Variants in FBXW8 observed in about 807,000 individuals in gnomAD.
FBXW8 encodes F-box/WD repeat-containing protein 8.
FBXW8 carries 57 observed loss-of-function variants against 65.3 expected under a neutral mutation model. That is an observed-to-expected ratio of 0.87 (90% CI 0.71 to 1.09). The LOEUF (loss-of-function observed/expected upper bound fraction) is 1.09, where lower values mean the gene tolerates loss of function less well. Among genes scored for constraint, FBXW8 ranks in the 50% least tolerant of loss-of-function variants. The probability of loss-of-function intolerance (pLI) is 0.00; values close to 1 mark genes in which losing one functional copy is unlikely to be tolerated. For synonymous variants in FBXW8, 308 were observed against 330.2 expected (o/e 0.93, Z 0.73); for missense variants, 777 against 814.8 (o/e 0.95, Z 0.57).
At chr12:117,017,682 A>G (rs1014655679) in intron 8 of FBXW8, among the ~76,000 whole-genome samples, 1 of 152,192 alleles carries the variant, frequency 6.6e-6, no homozygotes, top group Non-Finnish European at 1.5e-5. Flanking sequence ...GGTCATAAAA[A>G]AAGCCTACAT....
intron 2 of FBXW8, among the ~76,000 whole-genome samples, chr12:116,931,027 C>T (rs1433308068): frequency 2.0e-5 from 3 of 152,176 alleles, no homozygotes; most frequent in East Asian, 1.9e-4. Context: ...AGGCTAGTCT[C>T]GAACTCCTGG....
rs768765571 is a variant in FBXW8, at chr12:116,985,401, TG to T, written c.1032+1del. The T allele has an allele frequency of 2.5e-6, 4 of 1,612,062 alleles. No homozygotes were observed. Among genetic ancestry groups the T allele is most frequent in the East Asian group, 4.5e-5 (2 of 44,896 alleles). ...QIAAEFEVPK[L>X]VQYLEIVPET... ...GCTGCGGAATTTGAAGTTCCGAAAC[TG>T]GTGAGCTTTTTAGTCTGGTCATCTT... On this transcript the variant is annotated frameshift_variant and splice_region_variant, in exon 6 of 11. Coordinates refer to ENST00000652555, the MANE Select transcript of FBXW8 (RefSeq NM_153348.3). LOFTEE classifies it high-confidence loss of function.
At chr12:116,993,302 C>T (rs1392321888) in intron 7 of FBXW8, among the ~76,000 whole-genome samples, 1 of 151,802 alleles carries the variant, frequency 6.6e-6, no homozygotes, top group Admixed American at 6.6e-5. Flanking sequence ...CGAAGTTTCA[C>T]CATGTTGGCC....
intron 8 of FBXW8, among the ~76,000 whole-genome samples, chr12:117,012,536 T>C (rs562646884): frequency 6.6e-6 from 1 of 152,250 alleles, no homozygotes; most frequent in East Asian, 1.9e-4. Flanking sequence ...ATTGCACATC[T>C]AGAAAAAAGG....
intron 5 of FBXW8, among the ~76,000 whole-genome samples, chr12:116,967,803 G>C (rs1011278966): frequency 2.0e-5 from 3 of 152,126 alleles, no homozygotes; most frequent in African/African-American, 7.2e-5. Context: ...GTCTGGCTTT[G>C]TCATCCAGAC....
chr12:116,961,894 A>T lies in FBXW8; in HGVS notation c.678-2803A>T, dbSNP rs1241269350. Among the ~76,000 whole-genome samples, 1 of 152,172 alleles carries T rather than the reference A, an allele frequency of 6.6e-6. No individual in the cohort carries two copies. Among genetic ancestry groups the T allele is most frequent in the East Asian group, 1.9e-4 (1 of 5,190 alleles). On this transcript the variant is annotated intron_variant, in intron 4 of 10. Transcript: ENST00000652555. The surrounding 1 kb of genome is among the most constrained non-coding windows in gnomAD (Gnocchi z 4.4). Reference sequence around the variant, plus strand: ...TGTGGGGGGAGGATTGAATGGAAGAAGCTCCGAATCAGGGAGCCTGTAGTA... The same window carrying T: ...TGTGGGGGGAGGATTGAATGGAAGATGCTCCGAATCAGGGAGCCTGTAGTA...
At chr12:117,027,152 C>A (rs1184065814) in intron 9 of FBXW8, among the ~76,000 whole-genome samples, 3 of 152,200 alleles carry the variant, frequency 2.0e-5, no homozygotes, top group African/African-American at 7.2e-5. Context: ...GGGGCAGATG[C>A]CAGCATGCGT....
chr12:116,982,483 A>T (rs1885374547), intron 5 of FBXW8, among the ~76,000 whole-genome samples: 1 of 152,182 alleles, frequency 6.6e-6, no homozygotes, highest in South Asian at 2.1e-4. Flanking sequence ...AGAACTGTGC[A>T]CGTGATATCA....
chr12:116,994,284 C>G (rs998450635), intron 7 of FBXW8, among the ~76,000 whole-genome samples: 1 of 152,094 alleles, frequency 6.6e-6, no homozygotes, highest in East Asian at 1.9e-4. Context: ...AAAGTAGATA[C>G]GCAGACCAAT....
At chr12:116,919,315 T>G (rs747031925) in intron 1 of FBXW8, among the ~76,000 whole-genome samples, 2 of 152,206 alleles carry the variant, frequency 1.3e-5, no homozygotes, top group African/African-American at 2.4e-5. Context: ...GCTATGGGGC[T>G]GGGCTCTGCA....
At chr12:117,024,400 G>GT in intron 9 of FBXW8, 80 bp downstream of exon 9, 1 of 1,530,272 alleles carries the variant, frequency 6.5e-7, no homozygotes, top group Non-Finnish European at 9.0e-7. Context: ...ACCAGGCACG[G>GT]TGCTAAATGC....
At position 116,914,700 on chromosome 12, in the gene FBXW8, ACT is replaced by A. The variant is rs1236508498; in HGVS notation, c.318+3348_318+3349del. 8.5e-5 allele frequency among the ~76,000 whole-genome samples: 13 copies of A among 152,098 alleles called. No individual in the cohort carries two copies. The East Asian group carries it at 2.3e-3, about 27-fold the overall frequency. Reference sequence around the variant, plus strand: ...AGACCAGCCTAACCAACAAGGAGAAACTCTGTCTCTACTAAAAATACAAAATT... The same window carrying A: ...AGACCAGCCTAACCAACAAGGAGAAACTGTCTCTACTAAAAATACAAAATT... On this transcript the variant is annotated intron_variant, in intron 1 of 10. Coordinates refer to ENST00000652555, the MANE Select transcript of FBXW8 (RefSeq NM_153348.3).
intron 4 of FBXW8, among the ~76,000 whole-genome samples, chr12:116,954,846 C>T (rs551184923): frequency 2.0e-5 from 3 of 152,146 alleles, no homozygotes; most frequent in Admixed American, 2.0e-4. Flanking sequence ...ATAGTGAGAG[C>T]CCGTGCCTCC....
intron 5 of FBXW8, chr12:116,980,529 A>G (rs1885234880): frequency 6.6e-6 from 1 of 152,218 alleles, no homozygotes; most frequent in Admixed American, 6.5e-5. Context: ...CAGTCTTGCC[A>G]TTTCACAAGT....
intron 4 of FBXW8, among the ~76,000 whole-genome samples, chr12:116,963,811 T>C (rs926893960): frequency 2.0e-5 from 3 of 152,194 alleles, no homozygotes; most frequent in African/African-American, 7.2e-5. Flanking sequence ...TCTTTGTGAT[T>C]GTGTGGTTCT....
chr12:116,930,110 T>G (rs990608875), intron 2 of FBXW8, among the ~76,000 whole-genome samples: 2 of 152,238 alleles, frequency 1.3e-5, no homozygotes, highest in Admixed American at 6.5e-5. Flanking sequence ...TCTTGGCTGT[T>G]GTGAATAATG....
rs1884213255 is a variant in FBXW8 at position 116,964,816 on chromosome 12, G to A, written c.797G>A (p.Arg266Lys). 6.2e-7 allele frequency: 1 copy of A among 1,612,418 alleles called. No individual in the cohort carries two copies. The highest frequency in any genetic ancestry group is 1.3e-5 in the African/African-American group (1 of 74,868). The change falls in exon 5 of 11, where the codon AGG becomes AAG. Residue 266 changes from arginine (R) to lysine (K), a missense_variant. Coordinates refer to ENST00000652555, the MANE Select transcript of FBXW8 (RefSeq NM_153348.3). ...PGMQPNVSFVRINSSLAVAAY... is the reference protein window; with the variant it reads ...PGMQPNVSFVKINSSLAVAAY... ...ATGCAGCCAAATGTCTCCTTTGTGA[G>A]GATAAACAGCTCGTTGGCAGTAGCA...
chr12:117,011,991 G>A (rs1167613868), intron 8 of FBXW8, among the ~76,000 whole-genome samples: 1 of 152,168 alleles, frequency 6.6e-6, no homozygotes, highest in Non-Finnish European at 1.5e-5. Context: ...TCTAGAGATG[G>A]TTTTTAATGG....
intron 4 of FBXW8, among the ~76,000 whole-genome samples, chr12:116,960,335 G>C (rs114135955): frequency 2.0e-5 from 3 of 152,138 alleles, no homozygotes; most frequent in Non-Finnish European, 4.4e-5. Flanking sequence ...TTGAGAGCCC[G>C]CTGCTGAGTC....
Sources: gnomAD v4.1 joint callset for allele counts (sites outside exome capture counted in the v4.1 genomes callset) on GRCh38, gnomAD v4.1.1 for gene constraint, Gnocchi (gnomAD v3.1) non-coding constraint, MANE v1.5 for transcripts, NCBI Gene and HGNC (gene_info 2026-07-23, HGNC 2026-07-21) for gene names.